The following ARHGEF18 variants were observed in gnomAD, a reference collection of about 807,000 sequenced individuals.
The protein encoded by ARHGEF18 is Rho/Rac guanine nucleotide exchange factor 18, also known as rho guanine nucleotide exchange factor 18.
In ARHGEF18, 93 loss-of-function variants were observed where a neutral mutation model predicts 155.7. The observed-to-expected ratio is 0.60, with a 90% CI of 0.50 to 0.71. The LOEUF (loss-of-function observed/expected upper bound fraction) is 0.71, where lower values mean the gene tolerates loss of function less well. Among genes scored for constraint, ARHGEF18 ranks in the 30% least tolerant of loss-of-function variants. ARHGEF18 has a pLI of 0.00. For missense variants in ARHGEF18, 1,593 were observed against 1,816.1 expected (o/e 0.88, Z 2.23); for synonymous variants, 742 against 753.1 (o/e 0.99, Z 0.24).
chr19:7,439,609 A>G, intron 10 of ARHGEF18: 1 of 978,566 alleles, frequency 1.0e-6, no homozygotes, highest in South Asian at 4.1e-5. Context: ...GTTTATAATC[A>G]CCATATGGAA....
rs1491232883 is a variant in ARHGEF18 at position 7,367,816 on chromosome 19, T to TATATATATATACAC, written c.15+4922_15+4935dup. Among the ~76,000 whole-genome samples the TATATATATATACAC allele has an allele frequency of 3.5e-4, 40 of 113,536 alleles. 6 individuals are homozygous for TATATATATATACAC. The highest frequency in any genetic ancestry group is 9.7e-4 in the South Asian group (4 of 4,104). The allele number at this position is 113,536 out of a possible 152,430, so 74.5% of individuals were successfully genotyped here. A position where few individuals can be genotyped will look rare whatever the true frequency, so the allele number is the denominator to read the frequency against. ...TATATATATACACATATATATATTT[T>TATATATATATACAC]ATATATATATACACATATATATATT... is the stretch of plus-strand genomic sequence containing the variant. On this transcript the variant is annotated intron_variant, in intron 2 of 28. Transcript: ENST00000668164.
chr19:7,349,692 G>A (rs1003514346), intron 1 of ARHGEF18, among the ~76,000 whole-genome samples: 1 of 151,950 alleles, frequency 6.6e-6, no homozygotes, highest in East Asian at 1.9e-4. Context: ...GCAGGAGAAT[G>A]GCTTGAACCC....
In ARHGEF18 at chr19:7,372,956, C is replaced by T. The variant is rs1011626464; in HGVS notation, c.160C>T (p.Pro54Ser). 1 of 1,234,560 alleles carries T rather than the reference C, an allele frequency of 8.1e-7. No homozygotes were observed. The highest frequency in any genetic ancestry group is 1.0e-6 in the Non-Finnish European group (1 of 988,312). The allele number at this position is 1,234,560 out of a possible 1,614,324, so 76.5% of individuals were successfully genotyped here. ...SQPGETPDSR[P>S]TGEEPGRDSL... ...GCCTGGGGAGACCCCAGACAGCCGC[C>T]CCACCGGTGAAGAACCAGGAAGAGA... Residue 54 changes from proline (P) to serine (S), a missense_variant, in exon 3 of 29, where the codon CCC becomes TCC. Pro to Ser is a moderately conservative substitution (Grantham distance 74). Coordinates refer to ENST00000668164, the MANE Select transcript of ARHGEF18 (RefSeq NM_001367823.1).
At chr19:7,354,569 G>A (rs28561537) in intron 1 of ARHGEF18, among the ~76,000 whole-genome samples, 2,038 of 152,184 alleles carry the variant, frequency 0.013, 51 homozygotes, top group African/African-American at 0.046. Flanking sequence ...CTGCACGGAT[G>A]AGCACTCGTT....
chr19:7,365,472 G>T (rs1358104697), intron 2 of ARHGEF18, among the ~76,000 whole-genome samples: 1 of 152,174 alleles, frequency 6.6e-6, no homozygotes, highest in Non-Finnish European at 1.5e-5. Context: ...GTCATGGAAG[G>T]TCCCGGGTAA....
intron 10 of ARHGEF18, among the ~76,000 whole-genome samples, chr19:7,415,651 C>A (rs1299328450): frequency 6.6e-6 from 1 of 151,942 alleles, no homozygotes; most frequent in African/African-American, 2.4e-5. Flanking sequence ...CCCTCCCAGA[C>A]GTCCTCTCCC....
chr19:7,399,590 C>T (rs964343881), intron 10 of ARHGEF18, among the ~76,000 whole-genome samples: 1 of 151,752 alleles, frequency 6.6e-6, no homozygotes, highest in African/African-American at 2.4e-5. Flanking sequence ...ACGCCATTCT[C>T]CTGCCTCAGC....
downstream of ARHGEF18, among the ~76,000 whole-genome samples, chr19:7,474,754 AGTGTGTGTGTGTGT>A (rs3219570): frequency 3.6e-4 from 51 of 142,038 alleles, no homozygotes; most frequent in Admixed American, 1.4e-4. Flanking sequence ...TGGGCATTGG[AGTGTGTGTGTGTGT>A]GTGTGTGTGT....
At chr19:7,474,333 C>T (rs765058092), downstream of ARHGEF18, among the ~76,000 whole-genome samples, 15 of 150,254 alleles carry the variant, frequency 1.0e-4, no homozygotes, top group Non-Finnish European at 1.9e-4. Context: ...AGTGAGACTT[C>T]GTCTCAAAAA....
intron 2 of ARHGEF18, among the ~76,000 whole-genome samples, chr19:7,370,561 A>G (rs895308864): frequency 9.2e-5 from 14 of 152,162 alleles, no homozygotes; most frequent in African/African-American, 3.4e-4. Context: ...TGATCCCGCA[A>G]TTCCACTTCT....
At chr19:7,405,419 A>G (rs1369341353) in intron 10 of ARHGEF18, among the ~76,000 whole-genome samples, 1 of 152,126 alleles carries the variant, frequency 6.6e-6, no homozygotes, top group Non-Finnish European at 1.5e-5. Flanking sequence ...GACACCAGTC[A>G]TAGGCTCTAG....
In ARHGEF18 at chr19:7,452,503, T is replaced by C. The variant is rs143437577; in HGVS notation, c.1856-964T>C. On this transcript the variant is annotated intron_variant, in intron 16 of 28. Coordinates refer to ENST00000668164, the MANE Select transcript of ARHGEF18 (RefSeq NM_001367823.1). The stretch of plus-strand genomic sequence containing the variant: ...ATTGTAAGATGGAGTTTCACTCTTA[T>C]TGCCCAGGCTAGAGTACAGTGGCAT... 2.9e-3 allele frequency among the ~76,000 whole-genome samples: 445 copies of C among 152,222 alleles called. 2 individuals carry two copies. The highest frequency in any genetic ancestry group is 9.8e-3 in the African/African-American group (406 of 41,548).
rs561615546 is a variant in ARHGEF18, at chr19:7,462,535, CA to C, written c.2635+203del. On this transcript the variant is annotated intron_variant, in intron 21 of 28. Transcript: ENST00000668164. This position sits in a 1 kb window ranked among gnomAD's most constrained non-coding sequence, Gnocchi z 4.4. The stretch of plus-strand genomic sequence containing the variant: ...GAAGGGCCTTAGACATAATCTGGGC[CA>C]AGCCGCTCCTTGCAGACATAAAGCA... Among the ~76,000 whole-genome samples, 108 of 152,168 alleles carry C rather than the reference CA, an allele frequency of 7.1e-4. No individual in the cohort carries two copies. Among genetic ancestry groups the C allele is most frequent in the African/African-American group, 2.6e-3 (106 of 41,408 alleles).
At chr19:7,384,692 ATT>A (rs369171603) in intron 10 of ARHGEF18, among the ~76,000 whole-genome samples, 68 of 141,468 alleles carry the variant, frequency 4.8e-4, no homozygotes, top group Admixed American at 5.7e-4. Flanking sequence ...TTTTTGCAAA[ATT>A]TTTTTTTTTT....
chr19:7,385,517 C>A (rs1267997644), intron 10 of ARHGEF18, among the ~76,000 whole-genome samples: 1 of 149,968 alleles, frequency 6.7e-6, no homozygotes, highest in Non-Finnish European at 1.5e-5. Context: ...ACTCTGTCAC[C>A]CAGGCTGGAG....
rs139937750 is a variant in ARHGEF18, at chr19:7,459,820, G to A, written c.2361-83G>A. ...TCCCAAAGTCAGAGACGGTCGTGGCGGCTGGTTCTGCAGAACCAGCGTCTG... is the reference window on the plus strand; with the variant it reads ...TCCCAAAGTCAGAGACGGTCGTGGCAGCTGGTTCTGCAGAACCAGCGTCTG... On this transcript the variant is annotated intron_variant, in intron 19 of 28. Coordinates refer to ENST00000668164, the MANE Select transcript of ARHGEF18 (RefSeq NM_001367823.1). 1.2e-3 allele frequency: 1,408 copies of A among 1,147,968 alleles called. 10 individuals are homozygous for A. In the African/African-American group the frequency reaches 0.018, roughly 15 times the overall value. The allele number at this position is 1,147,968 out of a possible 1,614,324, so 71.1% of individuals were successfully genotyped here. A position where few individuals can be genotyped will look rare whatever the true frequency, so the allele number is the denominator to read the frequency against.
At chr19:7,364,556 A>G (rs950908392) in intron 2 of ARHGEF18, among the ~76,000 whole-genome samples, 125 of 152,120 alleles carry the variant, frequency 8.2e-4, no homozygotes, top group African/African-American at 2.9e-3. Context: ...CGCTTATGTC[A>G]GGGGCCTGTG....
intron 10 of ARHGEF18, among the ~76,000 whole-genome samples, chr19:7,413,209 A>G (rs575705424): frequency 6.6e-6 from 1 of 152,104 alleles, no homozygotes; most frequent in East Asian, 1.9e-4. Context: ...AGGCAGGAGG[A>G]TCGATTGAGC....
intron 20 of ARHGEF18, among the ~76,000 whole-genome samples, chr19:7,460,759 TC>T (rs1351782659): frequency 6.6e-6 from 1 of 151,966 alleles, no homozygotes; most frequent in East Asian, 1.9e-4. Context: ...GCTCCCTTCT[TC>T]CCTTTCACTG....
Sources: allele counts gnomAD v4.1 joint callset (sites outside exome capture counted in the v4.1 genomes callset), GRCh38; gene constraint gnomAD v4.1.1; non-coding constraint Gnocchi (gnomAD v3.1); transcripts MANE v1.5; gene names NCBI Gene and HGNC (gene_info 2026-07-23, HGNC 2026-07-21).